Variants in PBRM1 observed in about 807,000 individuals in gnomAD.
The protein encoded by PBRM1 is protein polybromo-1.
A neutral mutation model predicts 194.5 loss-of-function variants in PBRM1; 27 were observed. That is an observed-to-expected ratio of 0.14 (90% CI 0.10 to 0.19). The LOEUF (loss-of-function observed/expected upper bound fraction) is 0.19, where lower values mean the gene tolerates loss of function less well. Among genes scored for constraint, PBRM1 ranks in the 10% least tolerant of loss-of-function variants. PBRM1 has a pLI of 1.00. For missense variants in PBRM1, 1,466 were observed against 2,077.2 expected (o/e 0.71, Z 5.72); for synonymous variants, 655 against 693.2 (o/e 0.94, Z 0.87).
intron 20 of PBRM1, among the ~76,000 whole-genome samples, chr3:52,580,348 GCTT>G (rs893172898): frequency 2.0e-5 from 3 of 152,002 alleles, no homozygotes; most frequent in Non-Finnish European, 4.4e-5. Flanking sequence ...ATATAAACAT[GCTT>G]TTTTTGTTGT....
intron 16 of PBRM1, among the ~76,000 whole-genome samples, chr3:52,605,327 T>A (rs747979669): frequency 1.4e-4 from 22 of 152,046 alleles, no homozygotes; most frequent in Non-Finnish European, 2.9e-4. Flanking sequence ...AAATTACAGA[T>A]GTGAGCCACC....
intron 27 of PBRM1, among the ~76,000 whole-genome samples, chr3:52,552,133 G>A (rs1046643295): frequency 2.0e-5 from 3 of 152,210 alleles, no homozygotes; most frequent in African/African-American, 7.2e-5. Flanking sequence ...AGGTTGTGGT[G>A]GGTAAGCTGG....
intron 22 of PBRM1, among the ~76,000 whole-genome samples, chr3:52,566,727 G>T (rs1331985511): frequency 2.0e-5 from 3 of 152,184 alleles, no homozygotes; most frequent in African/African-American, 7.2e-5. Flanking sequence ...TTCTAGAAAT[G>T]AACAGTGGTG....
chr3:52,576,922 A>C (rs1472043011), intron 21 of PBRM1, among the ~76,000 whole-genome samples: 2 of 152,186 alleles, frequency 1.3e-5, no homozygotes, highest in African/African-American at 4.8e-5. Context: ...AAGTGAAAAA[A>C]ATTTTTTAAC....
At chr3:52,549,314 C>T (rs917302157) in intron 29 of PBRM1, among the ~76,000 whole-genome samples, 2 of 152,098 alleles carry the variant, frequency 1.3e-5, no homozygotes, top group African/African-American at 4.8e-5. Flanking sequence ...GCCACCGCTC[C>T]TGGCCCTCAT....
At position 52,587,344 on chromosome 3, in the gene PBRM1, G is replaced by C; in HGVS notation, c.3123+9C>G. The C allele has an allele frequency of 6.3e-7, 1 of 1,591,530 alleles. No individual in the cohort carries two copies. Among genetic ancestry groups the C allele is most frequent in the Non-Finnish European group, 8.6e-7 (1 of 1,162,588 alleles). On this transcript the variant is annotated intron_variant, in intron 19 of 29. Transcript: ENST00000296302. ...TGAGTGAGACTTTGGGATTTAATGA[G>C]TTTCTTACCTTGACAAACATGACCA...
Position 52,663,850 on chromosome 3 carries a change from A to C in PBRM1, c.385-1574T>G, listed in dbSNP as rs541468596. Among the ~76,000 whole-genome samples the C allele has an allele frequency of 9.2e-5, 14 of 152,016 alleles. No homozygotes were observed. In the South Asian group the frequency reaches 2.3e-3, roughly 25 times the overall value. ...TGAAGCAGGGGGATCATGGGGTCAG[A>C]AGATTAAGACCATCCTGGCTAACAC... is the stretch of plus-strand genomic sequence containing the variant. On this transcript the variant is annotated intron_variant, in intron 3 of 29. Transcript: ENST00000296302.
In PBRM1 at chr3:52,627,487, A is replaced by G. The variant is rs1577028426; in HGVS notation, c.1444-117T>C. 3 of 620,214 alleles carry G rather than the reference A, an allele frequency of 4.8e-6. No homozygotes were observed. In the East Asian group the frequency reaches 8.1e-5, roughly 17 times the overall value. The allele number at this position is 620,214 out of a possible 1,614,324, so 38.4% of individuals were successfully genotyped here. On this transcript the variant is annotated intron_variant, in intron 12 of 29. Transcript: ENST00000296302. ...TCAGAAAAATACAATCACATGCAGG[A>G]TGTACAAAATGAAAGAGTCATTAAA...
chr3:52,572,395 C>T lies in PBRM1; in HGVS notation c.3691+4146G>A, dbSNP rs987329485. On this transcript the variant is annotated intron_variant, in intron 22 of 29. Coordinates refer to ENST00000296302, the Ensembl canonical transcript of PBRM1. ...GTTTAAGTTCTTTTTTTTTTTGAGA[C>T]GGAGTCTCACCCTGTCACTCAGGCT... Among the ~76,000 whole-genome samples, 11 of 151,310 alleles carry T rather than the reference C, an allele frequency of 7.3e-5. No homozygotes were observed. In the East Asian group the frequency reaches 1.7e-3, roughly 24 times the overall value.
At chr3:52,651,046 T>C (rs1049069393) in intron 6 of PBRM1, among the ~76,000 whole-genome samples, 6 of 152,192 alleles carry the variant, frequency 3.9e-5, no homozygotes, top group African/African-American at 1.4e-4. Flanking sequence ...AGGCGGTGAT[T>C]TGGGCAAGTT....
At chr3:52,677,201 T>G (rs985286593) in intron 2 of PBRM1, among the ~76,000 whole-genome samples, 1 of 152,120 alleles carries the variant, frequency 6.6e-6, no homozygotes, top group African/African-American at 2.4e-5. Context: ...AAAGACAACA[T>G]AAACTTCATG....
intron 2 of PBRM1, among the ~76,000 whole-genome samples, chr3:52,677,429 T>TTTTTTTG (rs2097130428): frequency 1.4e-5 from 2 of 141,312 alleles, no homozygotes; most frequent in African/African-American, 5.3e-5. Flanking sequence ...TTTTTTTTTT[T>TTTTTTTG]GAGATGGAGT....
intron 22 of PBRM1, among the ~76,000 whole-genome samples, chr3:52,569,067 T>C (rs1054651823): frequency 3.9e-5 from 6 of 152,106 alleles, no homozygotes; most frequent in Admixed American, 1.3e-4. Context: ...TCTGTACTTT[T>C]TGTAGAAATG....
chr3:52,575,835 T>C (rs529793661), intron 22 of PBRM1, among the ~76,000 whole-genome samples: 13 of 152,114 alleles, frequency 8.5e-5, no homozygotes, highest in African/African-American at 3.1e-4. Flanking sequence ...GTTTTAAATA[T>C]ACTCCAAGAT....
chr3:52,591,990 C>G (rs995069994), intron 17 of PBRM1, among the ~76,000 whole-genome samples: 3 of 149,190 alleles, frequency 2.0e-5, no homozygotes, highest in Non-Finnish European at 4.4e-5. Context: ...CCATGCCCGG[C>G]TAATTTTTGT....
chr3:52,576,573 A>C (rs79886237), exon 22 of PBRM1: 1 of 1,609,232 alleles, frequency 6.2e-7, no homozygotes, highest in East Asian at 2.2e-5. Flanking sequence ...GGTTTCTTCC[A>C]GATTACTCAG....
In PBRM1 at chr3:52,624,568, G is replaced by A. The variant is rs181926355; in HGVS notation, c.1541+2705C>T. ...ATCTGTAAAAGGCATCCCTGAAAGG[G>A]AATCAGCACCTGCCAGTCCTGCACC... On this transcript the variant is annotated intron_variant, in intron 13 of 29. Coordinates refer to ENST00000296302, the Ensembl canonical transcript of PBRM1. Among the ~76,000 whole-genome samples the A allele has an allele frequency of 1.8e-4, 27 of 152,222 alleles. No individual in the cohort carries two copies. The East Asian group carries it at 5.2e-3, about 29-fold the overall frequency.
intron 11 of PBRM1, among the ~76,000 whole-genome samples, chr3:52,632,945 A>T (rs902375169): frequency 6.6e-6 from 1 of 152,106 alleles, no homozygotes; most frequent in African/African-American, 2.4e-5. Context: ...TTGCCCACCA[A>T]ATCACTGGCT....
chr3:52,671,139 T>C (rs1397693042), intron 2 of PBRM1, among the ~76,000 whole-genome samples: 1 of 152,196 alleles, frequency 6.6e-6, no homozygotes, highest in Non-Finnish European at 1.5e-5. Flanking sequence ...ACAAGAGAAA[T>C]AAATTTCTCT....
Sources: gnomAD v4.1 joint callset for allele counts (sites outside exome capture counted in the v4.1 genomes callset) on GRCh38, gnomAD v4.1.1 for gene constraint, MANE v1.5 for transcripts, NCBI Gene and HGNC (gene_info 2026-07-23, HGNC 2026-07-21) for gene names.